Variants in CCNG1 observed in about 807,000 individuals in gnomAD.
CCNG1 encodes the protein cyclin-G1.
CCNG1 carries 13 observed loss-of-function variants against 30.0 expected under a neutral mutation model. The ratio of observed to expected loss-of-function variants is 0.43; its 90% CI spans 0.28 to 0.69. CCNG1 has a LOEUF of 0.69. CCNG1 is among the 30% of genes least tolerant of loss of function. The pLI is 0.16. For missense variants in CCNG1, 285 were observed against 331.4 expected, an observed-to-expected ratio of 0.86 and a Z score of 1.09; for synonymous variants, 110 against 121.5, an observed-to-expected ratio of 0.91 and a Z score of 0.62.
chr5:163,454,927 G>A, the CCNG1 span, among the ~76,000 whole-genome samples: 1 of 152,128 alleles, frequency 6.6e-6, no homozygotes, highest in Admixed American at 6.5e-5. Context: ...CCAGTACAGG[G>A]GCTGGCAGAC....
chr5:163,442,697 C>G, intron 6 of CCNG1, 129 bp downstream of exon 6: 1 of 696,792 alleles, frequency 1.4e-6, no homozygotes, highest in Non-Finnish European at 2.4e-6. Flanking sequence ...GAGATGACAT[C>G]ACTGATCTAG....
At chr5:163,457,547 AG>A in the CCNG1 span, 6 of 1,422,272 alleles carry the variant, frequency 4.2e-6, no homozygotes, top group Admixed American at 1.0e-4. Flanking sequence ...GATGAATTAT[AG>A]TAATTACCCT....
chr5:163,447,271 G>A (rs944011429), downstream of CCNG1: 2 of 152,364 alleles, frequency 1.3e-5, no homozygotes, highest in Non-Finnish European at 1.5e-5. Flanking sequence ...ACTCAACATA[G>A]GGAGACCCTA....
Position 163,442,544 on chromosome 5 carries a change from A to T in CCNG1, c.867A>T (p.Thr289=), listed in dbSNP as rs770059851. Residue 289 remains threonine (T), a synonymous_variant, in exon 6 of 7, where the codon ACA becomes ACT. Transcript: ENST00000340828. ...HSYYRITHLP[T]IPEMVP is the part of the protein sequence containing the mutation. ...ACTACAGAATAACTCACCTTCCAAC[A>T]ATTCCTGAAATGGTCCCTTAACTGG... The T allele has an allele frequency of 6.2e-7, 1 of 1,609,162 alleles. No homozygotes were observed. The highest frequency in any genetic ancestry group is 8.5e-7 in the Non-Finnish European group (1 of 1,177,944).
In CCNG1 at chr5:163,443,800, C is replaced by T. The variant is rs1474090876; in HGVS notation, c.*130C>T. The stretch of plus-strand genomic sequence containing the variant: ...CATCACGAGATAAGCATGATGGTCT[C>T]AGACTTGGGAAAACTGCCTAATATT... On this transcript the variant is annotated 3_prime_UTR_variant, in exon 7 of 7. Transcript: ENST00000340828. The T allele has an allele frequency of 1.9e-6, 2 of 1,044,804 alleles. No individual in the cohort carries two copies. The highest frequency in any genetic ancestry group is 2.6e-5 in the East Asian group (1 of 38,146). 64.7% of individuals were successfully genotyped at this position (1,044,804 alleles called of 1,614,324 possible). A position where few individuals can be genotyped will look rare whatever the true frequency, so the allele number is the denominator to read the frequency against.
In CCNG1 at chr5:163,441,187, G is replaced by A. The variant is rs1178645081; in HGVS notation, c.374G>A (p.Ser125Asn). Reference sequence around the variant, plus strand: ...TTGGCAACTGACTTGATCCGAATAAGTCAATATAGGTTTACGGTTTCAGAC... The same window carrying A: ...TTGGCAACTGACTTGATCCGAATAAATCAATATAGGTTTACGGTTTCAGAC... ...VPLATDLIRI[S>N]QYRFTVSDLM... is the part of the protein sequence containing the mutation. The change falls in exon 3 of 7, where the codon AGT becomes AAT. Residue 125 changes from serine to asparagine, a missense_variant. Transcript: ENST00000340828. 6.2e-7 allele frequency: 1 copy of A among 1,613,874 alleles called. No individual in the cohort carries two copies. Among genetic ancestry groups the A allele is most frequent in the Non-Finnish European group, 8.5e-7 (1 of 1,179,920 alleles).
rs769825972 is a variant in CCNG1, at chr5:163,441,960, C to T, written c.593C>T (p.Ala198Val). 6.2e-7 allele frequency: 1 copy of T among 1,605,042 alleles called. No homozygotes were observed. Among genetic ancestry groups the T allele is most frequent in the Non-Finnish European group, 8.5e-7 (1 of 1,172,154 alleles). Residue 198 changes from alanine (A) to valine (V), a missense_variant, in exon 4 of 7, where the codon GCA (alanine) becomes GTA (valine). Ala to Val is a moderately conservative substitution (Grantham distance 64, BLOSUM62 0). Coordinates refer to ENST00000340828, the MANE Select transcript of CCNG1 (RefSeq NM_004060.4). ...CATTGCAGGATCATATTTTCTAAAG[C>T]AAAGGTAAATATTTTATAAAGATTA... ...ACHCRIIFSK[A>V]KPSVLALSII...
the CCNG1 span, among the ~76,000 whole-genome samples, chr5:163,454,757 C>G: frequency 6.6e-6 from 1 of 152,158 alleles, no homozygotes; most frequent in Non-Finnish European, 1.5e-5. Context: ...AGGCCTTAGT[C>G]TTTTTGGTGG....
the CCNG1 span, among the ~76,000 whole-genome samples, chr5:163,456,666 G>A: frequency 2.6e-5 from 4 of 152,158 alleles, no homozygotes; most frequent in South Asian, 6.2e-4. Context: ...ACTATAGTAA[G>A]AGTTTATTCA....
At chr5:163,442,687 G>A in intron 6 of CCNG1, 119 bp downstream of exon 6, 2 of 758,450 alleles carry the variant, frequency 2.6e-6, no homozygotes, top group Non-Finnish European at 4.3e-6. Flanking sequence ...AGTAAAGGGG[G>A]AGATGACATC....
downstream of CCNG1, among the ~76,000 whole-genome samples, chr5:163,445,706 C>G (rs1299593025): frequency 7.0e-6 from 1 of 142,256 alleles, no homozygotes; most frequent in Non-Finnish European, 1.5e-5. Flanking sequence ...GATCTGCCCA[C>G]CTCGTTCTCC....
At chr5:163,454,715 A>G in the CCNG1 span, among the ~76,000 whole-genome samples, 2 of 152,176 alleles carry the variant, frequency 1.3e-5, no homozygotes, top group East Asian at 1.9e-4. Flanking sequence ...AAGATATTTA[A>G]CCCTCACAAC....
chr5:163,439,419 GAAGTAAAAGATCT>G lies in CCNG1; in HGVS notation c.164_176del (p.Glu55ValfsTer4). 1 of 1,614,050 alleles carries G rather than the reference GAAGTAAAAGATCT, an allele frequency of 6.2e-7. No individual in the cohort carries two copies. ...AATGACTGCAAGACTAAGGGACTTT[GAAGTAAAAGATCT>G]TCTTAGTCTAACTCAGTTCTTTGGC... On this transcript the variant is annotated frameshift_variant, in exon 2 of 7. Transcript: ENST00000340828. LOFTEE classifies it high-confidence loss of function.
Position 163,441,069 on chromosome 5 carries a change from A to G in CCNG1, c.265-9A>G, listed in dbSNP as rs1222023770. ...CATGGGCTTACTGGTTTTGTTTTTGATTTTTTAGGTACAGCCCAAGCACCT... is the reference window on the plus strand; with the variant it reads ...CATGGGCTTACTGGTTTTGTTTTTGGTTTTTTAGGTACAGCCCAAGCACCT... On this transcript the variant is annotated splice_polypyrimidine_tract_variant and intron_variant, in intron 2 of 6. Coordinates refer to ENST00000340828, the MANE Select transcript of CCNG1 (RefSeq NM_004060.4). 5 of 1,602,292 alleles carry G rather than the reference A, an allele frequency of 3.1e-6. No homozygotes were observed.
At chr5:163,455,735 GA>G in the CCNG1 span, among the ~76,000 whole-genome samples, 35,002 of 108,610 alleles carry the variant, frequency 0.32, 4,808 homozygotes, top group East Asian at 0.56. Flanking sequence ...CTCCATCTCA[GA>G]AAAAAAAAAA....
intron 3 of CCNG1, 187 bp from the exon 4 acceptor site, chr5:163,441,699 A>T: frequency 1.8e-6 from 1 of 550,684 alleles, no homozygotes; most frequent in East Asian, 3.0e-5. Flanking sequence ...AAATCATCTA[A>T]AACTCCCATA....
intron 6 of CCNG1, 101 bp downstream of exon 6, chr5:163,442,669 G>A (rs908427300): frequency 5.4e-6 from 5 of 924,800 alleles, no homozygotes; most frequent in South Asian, 1.7e-5. Flanking sequence ...ACAAAATGGA[G>A]TTGGAATAGT....
chr5:163,457,031 T>C, the CCNG1 span: 25 of 1,613,534 alleles, frequency 1.5e-5, no homozygotes, highest in Non-Finnish European at 2.1e-5. Flanking sequence ...AACAATTTGC[T>C]GCATCTCTCT....
chr5:163,443,904 T>A lies in CCNG1; in HGVS notation c.*234T>A. On this transcript the variant is annotated 3_prime_UTR_variant, in exon 7 of 7. Coordinates refer to ENST00000340828, the MANE Select transcript of CCNG1 (RefSeq NM_004060.4). ...CAAAGCTAAAAGCCTAAATGTGAAA[T>A]GCTAATGACAAGCCTGAGAAGGTAA... 1 of 521,450 alleles carries A rather than the reference T, an allele frequency of 1.9e-6. No homozygotes were observed. Among genetic ancestry groups the A allele is most frequent in the Non-Finnish European group, 3.4e-6 (1 of 296,506 alleles). The allele number at this position is 521,450 out of a possible 1,614,324, so 32.3% of individuals were successfully genotyped here. A position where few individuals can be genotyped will look rare whatever the true frequency, so the allele number is the denominator to read the frequency against.
Sources: allele counts gnomAD v4.1 joint callset (sites outside exome capture counted in the v4.1 genomes callset), GRCh38; gene constraint gnomAD v4.1.1; transcripts MANE v1.5; gene names NCBI Gene and HGNC (gene_info 2026-07-23, HGNC 2026-07-21).